ZNF529: variants seen among roughly 807,000 people sequenced by gnomAD.
The protein encoded by ZNF529 is zinc finger protein 529.
Under a neutral mutation model 10.1 loss-of-function variants are expected in ZNF529, and 11 were observed. The observed-to-expected ratio is 1.09, with a 90% CI of 0.69 to 1.81. The LOEUF is 1.81. Among genes scored for constraint, ZNF529 ranks in the 40% most tolerant of loss-of-function variants. The pLI is 0.00. For synonymous variants in ZNF529, 204 were observed against 215.7 expected, an observed-to-expected ratio of 0.95 and a Z score of 0.47; for missense variants, 624 against 666.8, an observed-to-expected ratio of 0.94 and a Z score of 0.71.
chr19:36,552,682 T>C (rs2035309255), intron 4 of ZNF529, among the ~76,000 whole-genome samples: 1 of 152,186 alleles, frequency 6.6e-6, no homozygotes, highest in African/African-American at 2.4e-5. Flanking sequence ...GGATTAGAAA[T>C]GGAAGACTGC....
In ZNF529 at chr19:36,547,943, C is replaced by T. The variant is rs749529255; in HGVS notation, c.615G>A (p.Trp205Ter). ...GGKNYECNQC[W>*]KTFGIDNSSM... The stretch of plus-strand genomic sequence containing the variant: ...TGGAGTTATCTATCCCAAAGGTTTT[C>T]CAACATTGATTACATTCATAGTTTT... The change falls in exon 5 of 5, where the codon TGG becomes TGA. Residue 205 changes from tryptophan (W) to a stop codon, truncating the protein, a stop_gained. Transcript: ENST00000591340. LOFTEE classifies it low-confidence loss of function (END_TRUNC). 1.2e-6 allele frequency: 2 copies of T among 1,612,424 alleles called. No homozygotes were observed. The highest frequency in any genetic ancestry group is 3.3e-5 in the Admixed American group (2 of 59,726).
At chr19:36,557,868 G>A (rs1469041593) in intron 2 of ZNF529, among the ~76,000 whole-genome samples, 1 of 152,090 alleles carries the variant, frequency 6.6e-6, no homozygotes, top group Non-Finnish European at 1.5e-5. Flanking sequence ...GATTTAACAG[G>A]CAAAGACTTC....
chr19:36,557,996 A>G (rs2035545671), intron 2 of ZNF529, among the ~76,000 whole-genome samples: 1 of 151,580 alleles, frequency 6.6e-6, no homozygotes, highest in South Asian at 2.1e-4. Context: ...AAATTATTAA[A>G]AATAAACATA....
chr19:36,578,758 A>G (rs981541991), intron 2 of ZNF529, among the ~76,000 whole-genome samples: 1 of 151,584 alleles, frequency 6.6e-6, no homozygotes, highest in Non-Finnish European at 1.5e-5. Context: ...ATGCCACCAC[A>G]CTTGGCTGAT....
chr19:36,601,782 C>A (rs1184917821), intron 1 of ZNF529, among the ~76,000 whole-genome samples: 3 of 151,612 alleles, frequency 2.0e-5, no homozygotes, highest in Admixed American at 2.0e-4. Flanking sequence ...ATTAGCAAAA[C>A]CTTAGATTTT....
intron 1 of ZNF529, among the ~76,000 whole-genome samples, chr19:36,597,389 T>C (rs1437693779): frequency 6.6e-6 from 1 of 152,232 alleles, no homozygotes; most frequent in Non-Finnish European, 1.5e-5. Flanking sequence ...CATACTGTCA[T>C]GCACTATTAT....
At chr19:36,555,740 A>T (rs551742551) in intron 3 of ZNF529, among the ~76,000 whole-genome samples, 1 of 152,310 alleles carries the variant, frequency 6.6e-6, no homozygotes, top group South Asian at 2.1e-4. Context: ...ATTTTGTATG[A>T]CTTGAGGCCA....
chr19:36,573,455 G>C (rs1165294103), upstream of ZNF529: 1 of 470,852 alleles, frequency 2.1e-6, no homozygotes, highest in Non-Finnish European at 4.4e-6. Context: ...GCAGACCCTT[G>C]CCATCAGCAG....
At chr19:36,602,666 C>T (rs537779581) in intron 1 of ZNF529, among the ~76,000 whole-genome samples, 1 of 152,046 alleles carries the variant, frequency 6.6e-6, no homozygotes, top group Non-Finnish European at 1.5e-5. Flanking sequence ...CGGTGGCTCA[C>T]GCCTGTAATC....
Position 36,572,390 on chromosome 19 carries a change from G to C in ZNF529, c.-44C>G. The C allele has an allele frequency of 6.5e-7, 1 of 1,550,102 alleles. No individual in the cohort carries two copies. The highest frequency in any genetic ancestry group is 8.7e-7 in the Non-Finnish European group (1 of 1,146,202). On this transcript the variant is annotated splice_region_variant and 5_prime_UTR_variant, in exon 2 of 5. Coordinates refer to ENST00000591340, the MANE Select transcript of ZNF529 (RefSeq NM_020951.5). ...CCACTTCAGGGGGCCTTCACTTGCAGAACTACATAACCAAGAGGGAGAAAG... is the reference window on the plus strand; with the variant it reads ...CCACTTCAGGGGGCCTTCACTTGCACAACTACATAACCAAGAGGGAGAAAG...
chr19:36,588,817 ATC>A (rs1416991302), intron 2 of ZNF529, among the ~76,000 whole-genome samples: 1 of 152,106 alleles, frequency 6.6e-6, no homozygotes, highest in Non-Finnish European at 1.5e-5. Context: ...TGCCCAACGA[ATC>A]TCTTCAACTG....
At chr19:36,548,662 AC>A (rs962879260) in intron 4 of ZNF529, among the ~76,000 whole-genome samples, 1 of 152,178 alleles carries the variant, frequency 6.6e-6, no homozygotes, top group Admixed American at 6.5e-5. Context: ...ATATACTAAC[AC>A]TTTTGTGGTT....
At chr19:36,602,455 T>C (rs955760312) in intron 1 of ZNF529, among the ~76,000 whole-genome samples, 6 of 151,530 alleles carry the variant, frequency 4.0e-5, no homozygotes, top group African/African-American at 1.5e-4. Context: ...TTTTTTTTTT[T>C]TCGTGGTCAA....
chr19:36,572,328 C>CT lies in ZNF529; in HGVS notation c.14+4dup. On this transcript the variant is annotated splice_donor_region_variant and intron_variant, in intron 2 of 4. Coordinates refer to ENST00000591340, the MANE Select transcript of ZNF529 (RefSeq NM_020951.5). ...CCAGGTAAATGAACAAAAAAAAAAA[C>CT]TAACCTTGAGTTGGCCATTAGTACC... 6.5e-7 allele frequency: 1 copy of CT among 1,529,512 alleles called. No homozygotes were observed. The highest frequency in any genetic ancestry group is 8.8e-7 in the Non-Finnish European group (1 of 1,138,096). 94.7% of individuals were successfully genotyped at this position (1,529,512 alleles called of 1,614,324 possible). A position where few individuals can be genotyped will look rare whatever the true frequency, so the allele number is the denominator to read the frequency against.
At position 36,545,033 on chromosome 19, in the gene ZNF529, G is replaced by C. The variant is rs2034958756; in HGVS notation, c.*1833C>G. 6.6e-6 allele frequency: 1 copy of C among 151,468 alleles called. No individual in the cohort carries two copies. The highest frequency in any genetic ancestry group is 2.1e-4 in the South Asian group (1 of 4,814). The allele number at this position is 151,468 out of a possible 1,614,324, so 9.4% of individuals were successfully genotyped here. A position where few individuals can be genotyped will look rare whatever the true frequency, so the allele number is the denominator to read the frequency against. On this transcript the variant is annotated 3_prime_UTR_variant, in exon 5 of 5. Coordinates refer to ENST00000591340, the MANE Select transcript of ZNF529 (RefSeq NM_020951.5). ...AAGGTCAGGAAATCGAGACTGTCTT[G>C]GCCAACGTGGTGAAACTCCATATCT...
intron 1 of ZNF529, among the ~76,000 whole-genome samples, chr19:36,597,726 C>A (rs546482907): frequency 6.6e-6 from 1 of 152,284 alleles, no homozygotes; most frequent in East Asian, 1.9e-4. Flanking sequence ...ATCTGTGCCA[C>A]ATCCTACAAT....
intron 2 of ZNF529, among the ~76,000 whole-genome samples, chr19:36,567,827 T>C (rs1426854709): frequency 6.6e-6 from 1 of 152,100 alleles, no homozygotes; most frequent in Non-Finnish European, 1.5e-5. Flanking sequence ...GTATCAAAAC[T>C]AAAAGCTTTT....
rs749157790 is a variant in ZNF529, at chr19:36,573,252, C to T, written c.-159G>A. ...ACCGCGAGCTCCTCCCGCAGCCCGG[C>T]CCGGGTCACCTCGACTCGCCAGGCT... On this transcript the variant is annotated 5_prime_UTR_variant, in exon 1 of 5. Coordinates refer to ENST00000591340, the MANE Select transcript of ZNF529 (RefSeq NM_020951.5). 5 of 307,924 alleles carry T rather than the reference C, an allele frequency of 1.6e-5. No individual in the cohort carries two copies. Among genetic ancestry groups the T allele is most frequent in the Non-Finnish European group, 3.4e-5 (5 of 148,720 alleles). 19.1% of individuals were successfully genotyped at this position (307,924 alleles called of 1,614,324 possible).
At position 36,547,112 on chromosome 19, in the gene ZNF529, T is replaced by C. The variant is rs762992067; in HGVS notation, c.1446A>G (p.Val482=). ...AACTATGTCTAAAGGCCTTCCCACA[T>C]ACCTTACATTCATAAGGTTTCTCAC... ...HSGEKPYECK[V]CGKAFRHSSA... is the part of the protein sequence containing the mutation. The change falls in exon 5 of 5, where the codon GTA becomes GTG. Residue 482 remains valine (V), a synonymous_variant. Coordinates refer to ENST00000591340, the MANE Select transcript of ZNF529 (RefSeq NM_020951.5). The C allele has an allele frequency of 8.1e-6, 13 of 1,613,894 alleles. No individual in the cohort carries two copies. The highest frequency in any genetic ancestry group is 2.7e-5 in the African/African-American group (2 of 74,924).
Sources: gnomAD v4.1 joint callset for allele counts (sites outside exome capture counted in the v4.1 genomes callset) on GRCh38, gnomAD v4.1.1 for gene constraint, MANE v1.5 for transcripts, NCBI Gene and HGNC (gene_info 2026-07-23, HGNC 2026-07-21) for gene names.